Variants in TTC39C observed in about 807,000 individuals in gnomAD.
TTC39C encodes the protein tetratricopeptide repeat protein 39C.
In TTC39C, 33 loss-of-function variants were observed where a neutral mutation model predicts 76.3. That is an observed-to-expected ratio of 0.43 (90% CI 0.33 to 0.58). The LOEUF is 0.58. Ranked by LOEUF, TTC39C falls within the 20% of genes least tolerant of loss-of-function variation. The pLI is 0.04. For synonymous variants in TTC39C, 254 were observed against 260.6 expected, an observed-to-expected ratio of 0.97 and a Z score of 0.24; for missense variants, 595 against 701.4, an observed-to-expected ratio of 0.85 and a Z score of 1.71.
rs2085146579 is a variant in TTC39C at position 24,132,609 on chromosome 18, C to G, written c.*35C>G. The G allele has an allele frequency of 6.4e-7, 1 of 1,571,676 alleles. No individual in the cohort carries two copies. The highest frequency in any genetic ancestry group is 8.7e-7 in the Non-Finnish European group (1 of 1,146,122). On this transcript the variant is annotated 3_prime_UTR_variant, in exon 14 of 14. Coordinates refer to ENST00000317571, the MANE Select transcript of TTC39C (RefSeq NM_001135993.2). ...AACACCCGCTCCGTCCCTCCCCACC[C>G]AGGGTCCGCACTTTAAAATAAAAGC... is the stretch of plus-strand genomic sequence containing the variant.
chr18:24,067,643 C>T (rs1250536520), intron 3 of TTC39C, among the ~76,000 whole-genome samples: 1 of 152,132 alleles, frequency 6.6e-6, no homozygotes, highest in African/African-American at 2.4e-5. Context: ...CAGTTTCATC[C>T]TGAAACCATT....
intron 1 of TTC39C, among the ~76,000 whole-genome samples, chr18:24,044,050 GTT>G (rs2083831736): frequency 2.6e-5 from 2 of 75,742 alleles, no homozygotes; most frequent in African/African-American, 8.5e-5. Flanking sequence ...ATTTGTGTAT[GTT>G]TGTGTGTGTG....
At chr18:24,118,809 C>T (rs957639708) in intron 8 of TTC39C, among the ~76,000 whole-genome samples, 4 of 151,770 alleles carry the variant, frequency 2.6e-5, no homozygotes, top group African/African-American at 7.3e-5. Context: ...TGCCCTACCA[C>T]GCCCAGCCAA....
intron 1 of TTC39C, among the ~76,000 whole-genome samples, chr18:24,009,313 A>G (rs1371119047): frequency 2.0e-5 from 3 of 152,174 alleles, no homozygotes; most frequent in Non-Finnish European, 2.9e-5. Flanking sequence ...TCCCTTATCC[A>G]TGGGACTGGA....
At position 24,023,987 on chromosome 18, in the gene TTC39C, T is replaced by G. The variant is rs1436068978; in HGVS notation, c.167+8949T>G. Among the ~76,000 whole-genome samples the G allele has an allele frequency of 1.2e-3, 6 of 4,820 alleles. 1 individual carries two copies. The highest frequency in any genetic ancestry group is 2.5e-3 in the African/African-American group (5 of 1,974). 3.2% of individuals were successfully genotyped at this position (4,820 alleles called of 152,430 possible). A position where few individuals can be genotyped will look rare whatever the true frequency, so the allele number is the denominator to read the frequency against. Reference sequence around the variant, plus strand: ...ATATATATATATATATATACATATATATATATATATATATATATATATATA... The same window carrying G: ...ATATATATATATATATATACATATAGATATATATATATATATATATATATA... On this transcript the variant is annotated intron_variant, in intron 1 of 13. Coordinates refer to ENST00000317571, the MANE Select transcript of TTC39C (RefSeq NM_001135993.2).
At position 24,132,219 on chromosome 18, in the gene TTC39C, T is replaced by C. The variant is rs190251518; in HGVS notation, c.1663-266T>C. Reference sequence around the variant, plus strand: ...ATTAAGAATTTCTAATAGCAACTTATATTGAGCACAACATAAGACTACTTT... The same window carrying C: ...ATTAAGAATTTCTAATAGCAACTTACATTGAGCACAACATAAGACTACTTT... On this transcript the variant is annotated intron_variant, in intron 13 of 13. Transcript: ENST00000317571. Among the ~76,000 whole-genome samples, 32 of 152,370 alleles carry C rather than the reference T, an allele frequency of 2.1e-4. No individual in the cohort carries two copies. The East Asian group carries it at 3.3e-3, about 16-fold the overall frequency.
chr18:24,109,436 T>C (rs1025428448), intron 6 of TTC39C, among the ~76,000 whole-genome samples: 9 of 152,188 alleles, frequency 5.9e-5, no homozygotes, highest in African/African-American at 2.2e-4. Flanking sequence ...TTGTGTTGAT[T>C]ATAAAGTTGG....
intron 4 of TTC39C, among the ~76,000 whole-genome samples, chr18:24,070,183 C>T (rs1463803097): frequency 1.3e-5 from 2 of 152,022 alleles, no homozygotes; most frequent in African/African-American, 4.8e-5. Context: ...TGGCTGAAGT[C>T]AAAAGTGGAA....
chr18:23,997,653 A>AGAAAGAAAGAAAGAAAGAAAGAAG (rs2083275481), intron 1 of TTC39C, among the ~76,000 whole-genome samples: 1 of 36,466 alleles, frequency 2.7e-5, no homozygotes, highest in African/African-American at 1.1e-4. Context: ...GGAAGGAAGG[A>AGAAAGAAAGAAAGAAAGAAAGAAG]GAAAGAAAGA....
At chr18:24,064,106 G>T (rs1261777015) in intron 1 of TTC39C, 34 bp from the exon 2 acceptor site, 1 of 1,607,848 alleles carries the variant, frequency 6.2e-7, no homozygotes, top group East Asian at 2.2e-5. Flanking sequence ...GAAAATAATT[G>T]TATTTTGTGT....
At chr18:24,115,671 T>G (rs902019339) in intron 7 of TTC39C, among the ~76,000 whole-genome samples, 2 of 152,230 alleles carry the variant, frequency 1.3e-5, no homozygotes, top group African/African-American at 4.8e-5. Flanking sequence ...TGCCACTTGC[T>G]TTGCCTGCTG....
At chr18:24,097,576 A>G (rs2084606392) in intron 6 of TTC39C, among the ~76,000 whole-genome samples, 1 of 152,180 alleles carries the variant, frequency 6.6e-6, no homozygotes, top group African/African-American at 2.4e-5. Flanking sequence ...GGTGTTGGCT[A>G]TTATTTATAG....
upstream of TTC39C, chr18:24,014,716 C>CCTTCCCTCCT: frequency 1.8e-6 from 2 of 1,098,710 alleles, no homozygotes; most frequent in Non-Finnish European, 2.2e-6. Context: ...CCTCCGCGGT[C>CCTTCCCTCCT]CTTCCCTCCT....
At chr18:23,996,920 T>C (rs543300648) in intron 1 of TTC39C, among the ~76,000 whole-genome samples, 16 of 151,602 alleles carry the variant, frequency 1.1e-4, no homozygotes, top group East Asian at 2.0e-4. Context: ...CTATCCTGGC[T>C]AACATAGTGA....
At chr18:24,073,987 A>C (rs982963543) in intron 4 of TTC39C, among the ~76,000 whole-genome samples, 4 of 152,208 alleles carry the variant, frequency 2.6e-5, no homozygotes, top group Non-Finnish European at 5.9e-5. Context: ...TCTTCCCCAC[A>C]TATGTTGAGC....
In TTC39C at chr18:24,134,211, CTT is replaced by C. The variant is rs1166722260; in HGVS notation, c.*1642_*1643del. ...CTATATTCAGTGAATGAGAAGGGAA[CTT>C]TTTTCTGAAGAGCAAAATTGGTGCC... On this transcript the variant is annotated 3_prime_UTR_variant, in exon 14 of 14. Coordinates refer to ENST00000317571, the MANE Select transcript of TTC39C (RefSeq NM_001135993.2). 7.6e-6 allele frequency: 1 copy of C among 131,690 alleles called. No homozygotes were observed. The highest frequency in any genetic ancestry group is 1.6e-5 in the Non-Finnish European group (1 of 62,392). 8.2% of individuals were successfully genotyped at this position (131,690 alleles called of 1,614,324 possible).
chr18:24,100,531 C>A (rs2084662069), intron 6 of TTC39C, among the ~76,000 whole-genome samples: 1 of 152,192 alleles, frequency 6.6e-6, no homozygotes, highest in Non-Finnish European at 1.5e-5. Flanking sequence ...GGAGTGAGTG[C>A]CCAGTCGTTG....
At chr18:24,098,091 T>C (rs1488939699) in intron 6 of TTC39C, among the ~76,000 whole-genome samples, 1 of 152,136 alleles carries the variant, frequency 6.6e-6, no homozygotes, top group East Asian at 1.9e-4. Flanking sequence ...TATCCACTTG[T>C]TCTCTCACAT....
intron 4 of TTC39C, chr18:24,077,255 G>A (rs1352454213): frequency 6.6e-6 from 1 of 152,146 alleles, no homozygotes; most frequent in Non-Finnish European, 1.5e-5. Context: ...TAAAGCTGAG[G>A]TAGCCTGGAA....
Sources: allele counts gnomAD v4.1 joint callset (sites outside exome capture counted in the v4.1 genomes callset), GRCh38; gene constraint gnomAD v4.1.1; transcripts MANE v1.5; gene names NCBI Gene and HGNC (gene_info 2026-07-23, HGNC 2026-07-21).